Variants in GFRAL observed in about 807,000 individuals in gnomAD.
GFRAL encodes the protein GDNF family receptor alpha-like.
GFRAL carries 36 observed loss-of-function variants against 45.4 expected under a neutral mutation model. That is an observed-to-expected ratio of 0.79 (90% CI 0.61 to 1.05). The LOEUF (loss-of-function observed/expected upper bound fraction) is 1.05. Ranked by LOEUF, GFRAL falls within the 50% of genes least tolerant of loss-of-function variation. The probability of loss-of-function intolerance (pLI) is 0.00; values close to 1 mark genes in which losing one functional copy is unlikely to be tolerated. For missense variants in GFRAL, 507 were observed against 467.5 expected (o/e 1.08, Z -0.78); for synonymous variants, 166 against 154.1 (o/e 1.08, Z -0.57).
At chr6:55,332,918 T>C (rs1170338533) in intron 2 of GFRAL, among the ~76,000 whole-genome samples, 5 of 152,144 alleles carry the variant, frequency 3.3e-5, no homozygotes, top group Admixed American at 2.6e-4. Context: ...ATTTATACAG[T>C]AGAACATTGT....
In GFRAL at chr6:55,333,847, A is replaced by T. The variant is rs754463707; in HGVS notation, c.219A>T (p.Leu73Phe). The T allele has an allele frequency of 3.7e-6, 6 of 1,610,970 alleles. No individual in the cohort carries two copies. The highest frequency in any genetic ancestry group is 5.1e-6 in the Non-Finnish European group (6 of 1,177,930). ...ACTGTAACCTGAGTATCCAGTACTTAGTGGAAAGCAATTTCCAATTTAAAG... is the reference window on the plus strand; with the variant it reads ...ACTGTAACCTGAGTATCCAGTACTTTGTGGAAAGCAATTTCCAATTTAAAG... ...SSYCNLSIQY[L>F]VESNFQFKEC... The change falls in exon 3 of 9, where the codon TTA becomes TTT. Residue 73 changes from leucine to phenylalanine, a missense_variant. Leu to Phe is a conservative substitution (Grantham distance 22, BLOSUM62 0). Transcript: ENST00000340465.
chr6:55,354,212 C>G (rs748945966), intron 5 of GFRAL, among the ~76,000 whole-genome samples: 5 of 151,946 alleles, frequency 3.3e-5, no homozygotes, highest in African/African-American at 4.8e-5. Flanking sequence ...CTTGAGAATT[C>G]CTGTGATAGA....
chr6:55,338,304 G>A (rs1475118985), intron 3 of GFRAL, among the ~76,000 whole-genome samples: 1 of 152,050 alleles, frequency 6.6e-6, no homozygotes, highest in Non-Finnish European at 1.5e-5. Flanking sequence ...TGTCCAGGCT[G>A]GTCTTGAGCT....
chr6:55,351,234 G>T lies in GFRAL; in HGVS notation c.371-19G>T. 6.5e-7 allele frequency: 1 copy of T among 1,535,010 alleles called. No homozygotes were observed. Among genetic ancestry groups the T allele is most frequent in the Non-Finnish European group, 8.9e-7 (1 of 1,127,594 alleles). On this transcript the variant is annotated intron_variant, in intron 4 of 8. Transcript: ENST00000340465. ...TTTGTGTTTACTTTTCCACGACCTG[G>T]GCATATCATTGCTTTCAGGATTCAA...
chr6:55,349,479 G>A (rs987492233), intron 3 of GFRAL, among the ~76,000 whole-genome samples: 8 of 151,938 alleles, frequency 5.3e-5, no homozygotes, highest in Admixed American at 5.3e-4. Context: ...TGGGATGCTC[G>A]ATGACAGGGA....
intron 3 of GFRAL, among the ~76,000 whole-genome samples, chr6:55,347,159 G>A (rs896122339): frequency 2.6e-5 from 4 of 152,120 alleles, no homozygotes; most frequent in African/African-American, 9.7e-5. Context: ...AGGCTGGAAA[G>A]AGTCTATGAA....
intron 6 of GFRAL, among the ~76,000 whole-genome samples, chr6:55,395,704 T>C (rs906220405): frequency 2.6e-5 from 4 of 151,856 alleles, no homozygotes; most frequent in African/African-American, 9.7e-5. Flanking sequence ...TTACAATGCA[T>C]TTACTGTTTC....
intron 6 of GFRAL, among the ~76,000 whole-genome samples, chr6:55,368,204 G>A (rs776055085): frequency 0.015 from 2,239 of 151,436 alleles, 26 homozygotes; most frequent in Non-Finnish European, 0.022. Flanking sequence ...ATCTTCCATC[G>A]CTGATACCCT....
At chr6:55,350,390 C>A (rs1373080577) in intron 4 of GFRAL, among the ~76,000 whole-genome samples, 1 of 152,014 alleles carries the variant, frequency 6.6e-6, no homozygotes, top group African/African-American at 2.4e-5. Context: ...AAACCAAATA[C>A]TAGGTTGGGC....
At position 55,368,984 on chromosome 6, in the gene GFRAL, C is replaced by A. The variant is rs1427406785; in HGVS notation, c.952+9846C>A. ...GTGGGCTCCACCCAGTTGGAGCTTC[C>A]CGGCTGCTTTGTTTACCTAAGCAAG... is the stretch of plus-strand genomic sequence containing the variant. On this transcript the variant is annotated intron_variant, in intron 6 of 8. Coordinates refer to ENST00000340465, the MANE Select transcript of GFRAL (RefSeq NM_207410.2). Among the ~76,000 whole-genome samples, 12 of 152,156 alleles carry A rather than the reference C, an allele frequency of 7.9e-5. No individual in the cohort carries two copies. The South Asian group carries it at 2.3e-3, about 29-fold the overall frequency.
chr6:55,398,523 G>A (rs886636664), intron 6 of GFRAL, among the ~76,000 whole-genome samples: 9 of 152,184 alleles, frequency 5.9e-5, no homozygotes, highest in African/African-American at 2.2e-4. Flanking sequence ...GCATCTTTCT[G>A]TTGTTAAAGT....
chr6:55,385,015 T>G (rs1215621173), intron 6 of GFRAL, among the ~76,000 whole-genome samples: 1 of 152,080 alleles, frequency 6.6e-6, no homozygotes, highest in Non-Finnish European at 1.5e-5. Flanking sequence ...TGCAATTAGC[T>G]TTACATTTGC....
intron 6 of GFRAL, among the ~76,000 whole-genome samples, chr6:55,383,668 T>G (rs1768641477): frequency 6.6e-6 from 1 of 152,042 alleles, no homozygotes; most frequent in Admixed American, 6.6e-5. Flanking sequence ...TTTCTCAGAA[T>G]GTATTCTGGT....
chr6:55,359,544 C>T (rs577625954), intron 6 of GFRAL, among the ~76,000 whole-genome samples: 1 of 152,016 alleles, frequency 6.6e-6, no homozygotes, highest in Admixed American at 6.6e-5. Flanking sequence ...TTGGACTTGG[C>T]TCAGCTGGAT....
Position 55,333,793 on chromosome 6 carries a change from T to G in GFRAL, c.165T>G (p.Gly55=), listed in dbSNP as rs774252867. Residue 55 remains glycine, a synonymous_variant, in exon 3 of 9, where the codon GGT becomes GGG. Coordinates refer to ENST00000340465, the MANE Select transcript of GFRAL (RefSeq NM_207410.2). ...MEDACNDSDP[G]DPCKMRNSSY... ...TATGTGTTTGATTGTGAGATCCAGG[T>G]GACCCCTGCAAGATGAGGAATTCAT... 2.5e-6 allele frequency: 4 copies of G among 1,590,424 alleles called. No individual in the cohort carries two copies. The South Asian group carries it at 4.6e-5, about 18-fold the overall frequency.
intron 5 of GFRAL, among the ~76,000 whole-genome samples, chr6:55,356,190 G>T (rs940856839): frequency 6.6e-6 from 1 of 151,766 alleles, no homozygotes; most frequent in African/African-American, 2.4e-5. Flanking sequence ...TACTTTCCTT[G>T]GTATGTCTTG....
intron 6 of GFRAL, among the ~76,000 whole-genome samples, chr6:55,391,663 T>G (rs1328358126): frequency 6.6e-6 from 1 of 152,018 alleles, no homozygotes; most frequent in Non-Finnish European, 1.5e-5. Context: ...GACAGGAGGA[T>G]TGCTTGAGCC....
At chr6:55,341,084 T>G (rs114260248) in intron 3 of GFRAL, among the ~76,000 whole-genome samples, 7 of 152,154 alleles carry the variant, frequency 4.6e-5, no homozygotes, top group East Asian at 1.9e-4. Flanking sequence ...ATCTGTAGAC[T>G]CCACCTCTGT....
intron 6 of GFRAL, among the ~76,000 whole-genome samples, chr6:55,398,256 C>T (rs1274492095): frequency 6.6e-6 from 1 of 152,168 alleles, no homozygotes; most frequent in Non-Finnish European, 1.5e-5. Context: ...AAACAACTGT[C>T]TACTCATAGT....
Sources: allele counts gnomAD v4.1 joint callset (sites outside exome capture counted in the v4.1 genomes callset), GRCh38; gene constraint gnomAD v4.1.1; transcripts MANE v1.5; gene names NCBI Gene and HGNC (gene_info 2026-07-23, HGNC 2026-07-21).